The following FKBP8 variants were observed in gnomAD, a reference collection of about 807,000 sequenced individuals.
FKBP8 encodes the protein FKBP prolyl isomerase 8.
A neutral mutation model predicts 41.7 loss-of-function variants in FKBP8; 5 were observed. The ratio of observed to expected loss-of-function variants is 0.12; its 90% confidence interval spans 0.06 to 0.25. FKBP8 has a LOEUF of 0.25. FKBP8 is among the 10% of genes least tolerant of loss of function. The pLI, the probability that FKBP8 is intolerant of heterozygous loss-of-function variation, is 1.00. For missense variants in FKBP8, 397 were observed against 563.0 expected, an observed-to-expected ratio of 0.71 and a Z score of 2.98; for synonymous variants, 279 against 254.5, an observed-to-expected ratio of 1.10 and a Z score of -0.92.
chr19:18,537,467 G>T lies in FKBP8; in HGVS notation c.945+134C>A. 1.3e-6 allele frequency: 1 copy of T among 768,706 alleles called. No homozygotes were observed. Among genetic ancestry groups the T allele is most frequent in the East Asian group, 3.0e-5 (1 of 33,014 alleles). 47.6% of individuals were successfully genotyped at this position (768,706 alleles called of 1,614,324 possible). A position where few individuals can be genotyped will look rare whatever the true frequency, so the allele number is the denominator to read the frequency against. ...AGGCCACACTCCTGCACCCGTCTGGGCCTCAGTTTCTCCACCTGCACCCCA... is the reference window on the plus strand; with the variant it reads ...AGGCCACACTCCTGCACCCGTCTGGTCCTCAGTTTCTCCACCTGCACCCCA... On this transcript the variant is annotated intron_variant, in intron 6 of 8. Coordinates refer to ENST00000608443, the MANE Select transcript of FKBP8 (RefSeq NM_012181.5). This position sits in a 1 kb window ranked among gnomAD's most constrained non-coding sequence, Gnocchi z 4.4.
In FKBP8 at chr19:18,537,108, G is replaced by A. The variant is rs1035806095; in HGVS notation, c.945+493C>T. Reference sequence around the variant, plus strand: ...AATCTCAGCACATGGGGAGACTGAGGCGGGCAGATCACTTGAGGTCAGGAG... The same window carrying A: ...AATCTCAGCACATGGGGAGACTGAGACGGGCAGATCACTTGAGGTCAGGAG... On this transcript the variant is annotated intron_variant, in intron 6 of 8. Transcript: ENST00000608443. The surrounding 1 kb of genome is among the most constrained non-coding windows in gnomAD (Gnocchi z 4.4). 9.2e-5 allele frequency among the ~76,000 whole-genome samples: 14 copies of A among 152,138 alleles called. No homozygotes were observed. The highest frequency in any genetic ancestry group is 7.2e-4 in the Admixed American group (11 of 15,250).
In FKBP8 at chr19:18,538,701, G is replaced by A. The variant is rs1315033310; in HGVS notation, c.552-265C>T. 6.6e-6 allele frequency among the ~76,000 whole-genome samples: 1 copy of A among 151,998 alleles called. No homozygotes were observed. The highest frequency in any genetic ancestry group is 1.5e-5 in the Non-Finnish European group (1 of 68,026). ...CTCACTCTGTTGCCCGGGCTGGAGT[G>A]CAGTGGTGCAATCTTGGCTCACTGC... On this transcript the variant is annotated intron_variant, in intron 4 of 8. Coordinates refer to ENST00000608443, the MANE Select transcript of FKBP8 (RefSeq NM_012181.5). This position sits in a 1 kb window ranked among gnomAD's most constrained non-coding sequence, Gnocchi z 4.0.
chr19:18,532,001 G>C lies in FKBP8; in HGVS notation c.*168C>G. The C allele has an allele frequency of 1.6e-6, 1 of 631,930 alleles. No individual in the cohort carries two copies. Among genetic ancestry groups the C allele is most frequent in the East Asian group, 2.8e-5 (1 of 36,200 alleles). 39.1% of individuals were successfully genotyped at this position (631,930 alleles called of 1,614,324 possible). A position where few individuals can be genotyped will look rare whatever the true frequency, so the allele number is the denominator to read the frequency against. ...CCTCCCTCTGGGCTTTCCTCCTAGA[G>C]GGCCTCAGTCCCTCCTGCTGGCTGG... On this transcript the variant is annotated 3_prime_UTR_variant, in exon 9 of 9. Transcript: ENST00000608443.
rs1336776838 is a variant in FKBP8, at chr19:18,538,900, C to T, written c.552-464G>A. 2.7e-5 allele frequency among the ~76,000 whole-genome samples: 4 copies of T among 150,610 alleles called. No homozygotes were observed. The highest frequency in any genetic ancestry group is 7.4e-5 in the African/African-American group (3 of 40,800). ...TGCAATCTCGGTTCACTGCAAGCTC[C>T]GCCTCCCGGGTTCACGCCATTTTCC... On this transcript the variant is annotated intron_variant, in intron 4 of 8. Transcript: ENST00000608443. The surrounding 1 kb of genome is among the most constrained non-coding windows in gnomAD (Gnocchi z 4.0).
chr19:18,533,368 C>T (rs751233075), intron 6 of FKBP8, 21 bp from the exon 7 acceptor site: 2 of 1,588,102 alleles, frequency 1.3e-6, no homozygotes, highest in South Asian at 2.3e-5. Context: ...AAGGGGGTGG[C>T]ATCACTCTGG....
In FKBP8 at chr19:18,539,544, C is replaced by T. The variant is rs775817490; in HGVS notation, c.462+7G>A. The T allele has an allele frequency of 6.2e-7, 1 of 1,612,664 alleles. No homozygotes were observed. The highest frequency in any genetic ancestry group is 1.1e-5 in the South Asian group (1 of 91,060). On this transcript the variant is annotated splice_region_variant and intron_variant, in intron 3 of 8. Coordinates refer to ENST00000608443, the MANE Select transcript of FKBP8 (RefSeq NM_012181.5). ...TCGCCCCTGCCCTGTCCCGCCCCAG[C>T]CCGCACCTGGATGACGTCACAGTCA...
rs1229654624 is a variant in FKBP8, at chr19:18,542,986, A to AC, written c.-26+499dup. On this transcript the variant is annotated intron_variant, in intron 1 of 8. Transcript: ENST00000608443. ...CCCGCACAATTCGGCCTCCCCTCCC[A>AC]CCCCCCACCCCAACCACCACCGCCC... is the stretch of plus-strand genomic sequence containing the variant. 1.7e-5 allele frequency: 10 copies of AC among 584,318 alleles called. No individual in the cohort carries two copies. In the African/African-American group the frequency reaches 1.9e-4, roughly 11 times the overall value. The allele number at this position is 584,318 out of a possible 1,614,324, so 36.2% of individuals were successfully genotyped here. A position where few individuals can be genotyped will look rare whatever the true frequency, so the allele number is the denominator to read the frequency against.
chr19:18,533,041 G>A, intron 7 of FKBP8: 3 of 707,438 alleles, frequency 4.2e-6, no homozygotes, highest in Non-Finnish European at 6.9e-6. Context: ...AAGGACACTG[G>A]CATGGAGCAG....
Position 18,538,397 on chromosome 19 carries a change from C to G in FKBP8, c.591G>C (p.Leu197=). ...CCACAGCCGTCTTCAGGGTCACCTC[C>G]AGGCACAGGGCCGCGTGCGGGGGGA... is the stretch of plus-strand genomic sequence containing the variant. ...PYIPPHAALC[L]EVTLKTAVDG... The change falls in exon 5 of 9, where the codon CTG becomes CTC. Residue 197 remains leucine, a synonymous_variant. Transcript: ENST00000608443. This position sits in a 1 kb window ranked among gnomAD's most constrained non-coding sequence, Gnocchi z 4.0. The G allele has an allele frequency of 6.2e-7, 1 of 1,613,436 alleles. No individual in the cohort carries two copies. The highest frequency in any genetic ancestry group is 8.5e-7 in the Non-Finnish European group (1 of 1,179,978).
chr19:18,542,644 C>A (rs1002919997), intron 1 of FKBP8: 5 of 270,662 alleles, frequency 1.8e-5, no homozygotes, highest in Non-Finnish European at 3.7e-5. Context: ...ACAACCCCAA[C>A]ATCAGGGACC....
chr19:18,532,477 C>G, intron 8 of FKBP8, 187 bp downstream of exon 8: 1 of 1,014,526 alleles, frequency 9.9e-7, no homozygotes, highest in Non-Finnish European at 1.4e-6. Context: ...CCACAGTCCA[C>G]CCCCAGCCCT....
chr19:18,533,902 G>A (rs1320349864), intron 6 of FKBP8, among the ~76,000 whole-genome samples: 5 of 150,628 alleles, frequency 3.3e-5, no homozygotes, highest in South Asian at 2.1e-4. Context: ...CCAGCTACTC[G>A]GGAGGCTGAG....
At chr19:18,535,061 A>T (rs999662162) in intron 6 of FKBP8, among the ~76,000 whole-genome samples, 12 of 152,152 alleles carry the variant, frequency 7.9e-5, no homozygotes, top group Non-Finnish European at 1.5e-4. Context: ...CTGGTATTAC[A>T]GGCATGAGCC....
Position 18,541,936 on chromosome 19 carries a change from G to A in FKBP8, c.35C>T (p.Ala12Val). 2.5e-6 allele frequency: 4 copies of A among 1,614,058 alleles called. No individual in the cohort carries two copies. The highest frequency in any genetic ancestry group is 8.5e-7 in the Non-Finnish European group (1 of 1,179,978). ...ASCAEPSEPS[A>V]PLPAGVPPLE... ...CGGTGGGACCCCGGCGGGCAGTGGGGCAGAGGGCTCAGAGGGTTCAGCACA... is the reference window on the plus strand; with the variant it reads ...CGGTGGGACCCCGGCGGGCAGTGGGACAGAGGGCTCAGAGGGTTCAGCACA... The change falls in exon 2 of 9, where the codon GCC (alanine) becomes GTC (valine). Residue 12 changes from alanine to valine, a missense_variant. Ala to Val is a moderately conservative substitution (Grantham distance 64). Coordinates refer to ENST00000608443, the MANE Select transcript of FKBP8 (RefSeq NM_012181.5).
chr19:18,542,790 G>A, intron 1 of FKBP8: 1 of 784,450 alleles, frequency 1.3e-6, no homozygotes, highest in Non-Finnish European at 1.9e-6. Flanking sequence ...CAGACCTCCT[G>A]AACCAATAAC....
At position 18,539,638 on chromosome 19, in the gene FKBP8, T is replaced by C; in HGVS notation, c.375A>G (p.Val125=). 5 of 1,612,814 alleles carry C rather than the reference T, an allele frequency of 3.1e-6. No individual in the cohort carries two copies. Among genetic ancestry groups the C allele is most frequent in the Non-Finnish European group, 4.2e-6 (5 of 1,180,032 alleles). Residue 125 remains valine (V), a synonymous_variant, in exon 3 of 9, where the codon GTA becomes GTG. Transcript: ENST00000608443. ...CATTCTCCAGCGACGTCTGCAGATG[T>C]ACGGTGACCACCTGGCCCTTGACCG... ...SRPVKGQVVT[V]HLQTSLENGT...
In FKBP8 at chr19:18,539,738, C is replaced by T; in HGVS notation, c.293-18G>A. 2 of 1,602,982 alleles carry T rather than the reference C, an allele frequency of 1.2e-6. No homozygotes were observed. Among genetic ancestry groups the T allele is most frequent in the Non-Finnish European group, 1.7e-6 (2 of 1,178,958 alleles). ...CCCGTTCCCTGCCAGGGTCCAGGGA[C>T]ATGCAGCCTGTCACCTGGCAGCTCA... On this transcript the variant is annotated intron_variant, in intron 2 of 8. Coordinates refer to ENST00000608443, the MANE Select transcript of FKBP8 (RefSeq NM_012181.5).
chr19:18,541,607 A>C (rs913497133), intron 2 of FKBP8, 72 bp downstream of exon 2: 1 of 1,540,092 alleles, frequency 6.5e-7, no homozygotes, highest in Non-Finnish European at 8.8e-7. Flanking sequence ...CTCACAGCAC[A>C]GATGGGGAAA....
At chr19:18,536,873 C>G (rs1600533216) in intron 6 of FKBP8, among the ~76,000 whole-genome samples, 4 of 152,294 alleles carry the variant, frequency 2.6e-5, no homozygotes, top group Admixed American at 2.6e-4. Context: ...CCTGGCTAGA[C>G]AGCAGAAAGG....
Sources: allele counts gnomAD v4.1 joint callset (sites outside exome capture counted in the v4.1 genomes callset), GRCh38; gene constraint gnomAD v4.1.1; non-coding constraint Gnocchi (gnomAD v3.1); transcripts MANE v1.5; gene names NCBI Gene and HGNC (gene_info 2026-07-23, HGNC 2026-07-21).